CDK19: variants seen among roughly 807,000 people sequenced by gnomAD.
CDK19 encodes cyclin dependent kinase 19.
A neutral mutation model predicts 68.3 loss-of-function variants in CDK19; 20 were observed. The ratio of observed to expected loss-of-function variants is 0.29; its 90% CI spans 0.21 to 0.43. The LOEUF is 0.43. Ranked by LOEUF, CDK19 falls within the 20% of genes least tolerant of loss-of-function variation. The probability of loss-of-function intolerance (pLI) is 1.00; values close to 1 mark genes in which losing one functional copy is unlikely to be tolerated. For missense variants in CDK19, 339 were observed against 623.5 expected (o/e 0.54, Z 4.86); for synonymous variants, 221 against 222.8 (o/e 0.99, Z 0.07).
At chr6:110,770,461 C>T (rs2114991505) in intron 1 of CDK19, among the ~76,000 whole-genome samples, 1 of 152,272 alleles carries the variant, frequency 6.6e-6, no homozygotes, top group Non-Finnish European at 1.5e-5. Context: ...TATTCACTAC[C>T]ACAAGAATAG....
Position 110,759,428 on chromosome 6 carries a change from A to AATATAT in CDK19, c.129-13233_129-13228dup, listed in dbSNP as rs34490988. ...TTAAAAAAAAAAAAAAAAAAAAAAAAATATATATATATATATATATATAAA... is the reference window on the plus strand; with the variant it reads ...TTAAAAAAAAAAAAAAAAAAAAAAAAATATATATATATATATATATATATATATAAA... On this transcript the variant is annotated intron_variant, in intron 1 of 12. Transcript: ENST00000368911. Among the ~76,000 whole-genome samples the AATATAT allele has an allele frequency of 3.8e-3, 195 of 50,902 alleles. 1 individual carries two copies. Among genetic ancestry groups the AATATAT allele is most frequent in the East Asian group, 9.1e-3 (11 of 1,208 alleles). The allele number at this position is 50,902 out of a possible 152,430, so 33.4% of individuals were successfully genotyped here. A position where few individuals can be genotyped will look rare whatever the true frequency, so the allele number is the denominator to read the frequency against.
chr6:110,737,804 A>G (rs570580049), intron 2 of CDK19, among the ~76,000 whole-genome samples: 1 of 152,282 alleles, frequency 6.6e-6, no homozygotes, highest in Admixed American at 6.5e-5. Flanking sequence ...AATATTAACT[A>G]TCACCATATA....
rs558809860 is a variant in CDK19 at position 110,679,152 on chromosome 6, AT to A, written c.205-8612del. On this transcript the variant is annotated intron_variant, in intron 2 of 12. Transcript: ENST00000368911. ...GCAAGAGCCCTATCTCTACAAAAAA[AT>A]AAATTAAATTAAATTATCCAGGCAT... Among the ~76,000 whole-genome samples, 202 of 152,202 alleles carry A rather than the reference AT, an allele frequency of 1.3e-3. 2 individuals carry two copies. In the South Asian group the frequency reaches 0.04, roughly 30 times the overall value.
intron 2 of CDK19, among the ~76,000 whole-genome samples, chr6:110,702,094 T>C (rs778938200): frequency 2.6e-5 from 4 of 151,818 alleles, no homozygotes; most frequent in Non-Finnish European, 5.9e-5. Context: ...TGAGCCGAGA[T>C]TGTTCTACTA....
intron 2 of CDK19, among the ~76,000 whole-genome samples, chr6:110,675,796 A>G (rs553626425): frequency 1.3e-5 from 2 of 152,286 alleles, no homozygotes; most frequent in East Asian, 3.9e-4. Flanking sequence ...CTTTCAAAAG[A>G]TTACTGCTCA....
intron 5 of CDK19, among the ~76,000 whole-genome samples, chr6:110,633,302 G>A (rs1294679072): frequency 6.6e-6 from 1 of 152,184 alleles, no homozygotes; most frequent in African/African-American, 2.4e-5. Context: ...TTAGTTCAGT[G>A]TGTGCTGCAG....
At chr6:110,802,915 A>C (rs1313934313) in intron 1 of CDK19, among the ~76,000 whole-genome samples, 1 of 152,188 alleles carries the variant, frequency 6.6e-6, no homozygotes, top group Non-Finnish European at 1.5e-5. Context: ...AAAATTGCCT[A>C]AAGTTGATAA....
chr6:110,800,130 A>G (rs949845659), intron 1 of CDK19, among the ~76,000 whole-genome samples: 21 of 152,236 alleles, frequency 1.4e-4, no homozygotes, highest in Non-Finnish European at 1.5e-5. Context: ...ACACCAAAAT[A>G]CTACAAACAT....
In CDK19 at chr6:110,614,306, A is replaced by G. The variant is rs1055322; in HGVS notation, c.*229T>C. ...TCAGACGCTTTATCAGAGAAGTCACAATGGAACACATGCAGGGAAGGGGTG... is the reference window on the plus strand; with the variant it reads ...TCAGACGCTTTATCAGAGAAGTCACGATGGAACACATGCAGGGAAGGGGTG... On this transcript the variant is annotated 3_prime_UTR_variant, in exon 13 of 13. Coordinates refer to ENST00000368911, the MANE Select transcript of CDK19 (RefSeq NM_015076.5). 1.7e-3 allele frequency: 675 copies of G among 406,844 alleles called. 2 individuals carry two copies. Among genetic ancestry groups the G allele is most frequent in the Non-Finnish European group, 2.6e-3 (593 of 224,270 alleles). 25.2% of individuals were successfully genotyped at this position (406,844 alleles called of 1,614,324 possible).
chr6:110,751,879 T>C (rs1326524488), intron 1 of CDK19, among the ~76,000 whole-genome samples: 2 of 152,094 alleles, frequency 1.3e-5, no homozygotes, highest in African/African-American at 4.8e-5. Context: ...AAAAAAGACA[T>C]TCTTCAAATC....
At chr6:110,695,364 AAG>A (rs1348993685) in intron 2 of CDK19, among the ~76,000 whole-genome samples, 1 of 152,208 alleles carries the variant, frequency 6.6e-6, no homozygotes, top group Non-Finnish European at 1.5e-5. Flanking sequence ...GCACTGCTAA[AAG>A]GGACATTCAT....
At chr6:110,793,768 C>T (rs1027733870) in intron 1 of CDK19, among the ~76,000 whole-genome samples, 1 of 152,166 alleles carries the variant, frequency 6.6e-6, no homozygotes, top group Non-Finnish European at 1.5e-5. Flanking sequence ...TGCCTCTTCC[C>T]CTTCTTCCTG....
intron 2 of CDK19, among the ~76,000 whole-genome samples, chr6:110,689,448 T>C (rs138926836): frequency 2.6e-3 from 397 of 152,260 alleles, no homozygotes; most frequent in Middle Eastern, 6.8e-3. Flanking sequence ...CTACCACAGG[T>C]GGTGCTCTCT....
intron 1 of CDK19, among the ~76,000 whole-genome samples, chr6:110,804,295 T>C (rs574192901): frequency 6.6e-6 from 1 of 152,006 alleles, no homozygotes; most frequent in Non-Finnish European, 1.5e-5. Flanking sequence ...ATAAGAAGAG[T>C]GTATTTTTCC....
chr6:110,764,565 T>TA (rs937810064), intron 1 of CDK19, among the ~76,000 whole-genome samples: 15 of 151,986 alleles, frequency 9.9e-5, no homozygotes, highest in African/African-American at 2.9e-4. Flanking sequence ...GTGCATATGC[T>TA]AAAAAAAAGA....
At position 110,779,377 on chromosome 6, in the gene CDK19, C is replaced by T. The variant is rs376231929; in HGVS notation, c.129-33176G>A. Among the ~76,000 whole-genome samples the T allele has an allele frequency of 1.1e-3, 167 of 152,252 alleles. 3 individuals are homozygous for T. The South Asian group carries it at 0.033, about 30-fold the overall frequency. On this transcript the variant is annotated intron_variant, in intron 1 of 12. Coordinates refer to ENST00000368911, the MANE Select transcript of CDK19 (RefSeq NM_015076.5). ...TATACACAGGCATAAACAACAAACTCGTGTACCAAATATGAATGGACAATG... is the reference window on the plus strand; with the variant it reads ...TATACACAGGCATAAACAACAAACTTGTGTACCAAATATGAATGGACAATG...
intron 2 of CDK19, among the ~76,000 whole-genome samples, chr6:110,688,738 A>G (rs1772721050): frequency 6.6e-6 from 1 of 152,192 alleles, no homozygotes; most frequent in African/African-American, 2.4e-5. Flanking sequence ...AGAGCCTTGC[A>G]TGCATTCTCC....
chr6:110,779,540 G>A (rs935408506), intron 1 of CDK19, among the ~76,000 whole-genome samples: 1 of 152,146 alleles, frequency 6.6e-6, no homozygotes, highest in African/African-American at 2.4e-5. Flanking sequence ...CTTAGCACAA[G>A]GTCTAGACTA....
chr6:110,645,963 T>C, intron 4 of CDK19: 2 of 1,163,902 alleles, frequency 1.7e-6, no homozygotes, highest in South Asian at 1.3e-5. Context: ...CGAGGGCTTC[T>C]ACAACGAGCA....
Sources: gnomAD v4.1 joint callset for allele counts (sites outside exome capture counted in the v4.1 genomes callset) on GRCh38, gnomAD v4.1.1 for gene constraint, MANE v1.5 for transcripts, NCBI Gene and HGNC (gene_info 2026-07-23, HGNC 2026-07-21) for gene names.